FBXO25: variants seen among roughly 807,000 people sequenced by gnomAD.
FBXO25 encodes the protein F-box only protein 25.
A neutral mutation model predicts 51.9 loss-of-function variants in FBXO25; 45 were observed. That is an observed-to-expected ratio of 0.87 (90% CI 0.68 to 1.11). The LOEUF (loss-of-function observed/expected upper bound fraction) is 1.11. Ranked by LOEUF, FBXO25 falls within the 50% of genes most tolerant of loss-of-function variation. FBXO25 has a pLI of 0.00. For synonymous variants in FBXO25, 199 were observed against 151.0 expected, an observed-to-expected ratio of 1.32 and a Z score of -2.33; for missense variants, 507 against 428.5, an observed-to-expected ratio of 1.18 and a Z score of -1.62.
intron 7 of FBXO25, among the ~76,000 whole-genome samples, chr8:455,732 G>C (rs1799380250): frequency 6.6e-6 from 1 of 152,228 alleles, no homozygotes; most frequent in Non-Finnish European, 1.5e-5. Flanking sequence ...CTTCCTTCCA[G>C]TGCAGTGTAG....
In FBXO25 at chr8:469,669, C is replaced by A. The variant is rs774056975; in HGVS notation, c.*865C>A. ...GCTTCGTTTTTAAAATAACGCATGT[C>A]CATTTTAGAAAATTAGAAAATCAGT... is the stretch of plus-strand genomic sequence containing the variant. On this transcript the variant is annotated 3_prime_UTR_variant, in exon 10 of 10. Coordinates refer to ENST00000350302, the MANE Select transcript of FBXO25 (RefSeq NM_183420.2). The A allele has an allele frequency of 1.3e-5, 2 of 152,088 alleles. No homozygotes were observed. The highest frequency in any genetic ancestry group is 2.9e-5 in the Non-Finnish European group (2 of 68,030). 9.4% of individuals were successfully genotyped at this position (152,088 alleles called of 1,614,324 possible).
chr8:427,902 T>G (rs543580585), intron 2 of FBXO25, among the ~76,000 whole-genome samples: 1 of 151,924 alleles, frequency 6.6e-6, no homozygotes, highest in Non-Finnish European at 1.5e-5. Flanking sequence ...TGATGGCCCA[T>G]AACAGCACAT....
Position 414,515 on chromosome 8 carries a change from G to A in FBXO25, c.134+1302G>A, listed in dbSNP as rs181753212. ...AGTGCAGTGTTACTGCTGCATCTGC[G>A]GTGAGGAATTTGTGGGAATTTGTTT... On this transcript the variant is annotated intron_variant, in intron 2 of 9. Coordinates refer to ENST00000350302, the MANE Select transcript of FBXO25 (RefSeq NM_183420.2). Among the ~76,000 whole-genome samples the A allele has an allele frequency of 2.3e-3, 346 of 152,180 alleles. 1 individual carries two copies. The highest frequency in any genetic ancestry group is 4.8e-3 in the Admixed American group (73 of 15,286).
intron 7 of FBXO25, among the ~76,000 whole-genome samples, chr8:453,338 G>T (rs1799210914): frequency 6.6e-6 from 1 of 152,054 alleles, no homozygotes; most frequent in Non-Finnish European, 1.5e-5. Context: ...GAGTCCCTGG[G>T]TGCTCTCTGG....
At chr8:444,528 A>G (rs1372900498) in intron 5 of FBXO25, among the ~76,000 whole-genome samples, 7 of 152,234 alleles carry the variant, frequency 4.6e-5, no homozygotes, top group African/African-American at 1.7e-4. Context: ...CTTCTTTATA[A>G]TTGATTTTTA....
At chr8:414,415 C>T (rs547901139) in intron 2 of FBXO25, among the ~76,000 whole-genome samples, 2 of 152,012 alleles carry the variant, frequency 1.3e-5, no homozygotes, top group East Asian at 3.9e-4. Context: ...CTCCCAGTAG[C>T]CACTATTAAA....
chr8:426,343 T>C (rs1323439606), intron 2 of FBXO25, among the ~76,000 whole-genome samples: 1 of 152,232 alleles, frequency 6.6e-6, no homozygotes, highest in African/African-American at 2.4e-5. Flanking sequence ...TTCCCTTGAA[T>C]ATCTTAAATA....
Position 472,441 on chromosome 8 carries a change from T to A in FBXO25, c.*3637T>A, listed in dbSNP as rs1354761152. ...GTTTATGATACCTTTTATACATAGC[T>A]GTTAGATTTGGTGTGCTGGAACAGC... On this transcript the variant is annotated 3_prime_UTR_variant, in exon 10 of 10. Transcript: ENST00000350302. The A allele has an allele frequency of 6.6e-6, 1 of 152,276 alleles. No individual in the cohort carries two copies. Among genetic ancestry groups the A allele is most frequent in the Non-Finnish European group, 1.5e-5 (1 of 68,078 alleles). 9.4% of individuals were successfully genotyped at this position (152,276 alleles called of 1,614,324 possible).
intron 2 of FBXO25, among the ~76,000 whole-genome samples, chr8:424,183 A>G (rs576804796): frequency 4.7e-4 from 70 of 149,288 alleles, no homozygotes; most frequent in African/African-American, 1.7e-3. Context: ...CAGTGGCGCA[A>G]TTTCCGCTCA....
At chr8:434,541 G>T (rs577876964) in intron 4 of FBXO25, among the ~76,000 whole-genome samples, 4 of 152,156 alleles carry the variant, frequency 2.6e-5, no homozygotes, top group African/African-American at 9.7e-5. Flanking sequence ...TGGGGTTGGC[G>T]CACAGAAGCA....
intron 7 of FBXO25, among the ~76,000 whole-genome samples, chr8:454,978 C>T (rs570091875): frequency 2.0e-5 from 3 of 152,130 alleles, no homozygotes; most frequent in Admixed American, 6.5e-5. Flanking sequence ...ACTGGCTCTC[C>T]AGGGGCAAGA....
At chr8:450,535 T>C (rs1483542829) in intron 6 of FBXO25, among the ~76,000 whole-genome samples, 1 of 152,206 alleles carries the variant, frequency 6.6e-6, no homozygotes, top group Non-Finnish European at 1.5e-5. Flanking sequence ...TATACATGCA[T>C]AGGAATATAT....
At position 469,159 on chromosome 8, in the gene FBXO25, A is replaced by G. The variant is rs1017193453; in HGVS notation, c.*355A>G. The G allele has an allele frequency of 6.8e-5, 13 of 190,222 alleles. No homozygotes were observed. The highest frequency in any genetic ancestry group is 2.8e-4 in the African/African-American group (12 of 42,912). The allele number at this position is 190,222 out of a possible 1,614,324, so 11.8% of individuals were successfully genotyped here. A position where few individuals can be genotyped will look rare whatever the true frequency, so the allele number is the denominator to read the frequency against. On this transcript the variant is annotated 3_prime_UTR_variant, in exon 10 of 10. Transcript: ENST00000350302. ...CCAATAATATGCTTCTTAATTATCA[A>G]ATTATAGTTTCCCAATTGGGAAACT...
intron 2 of FBXO25, among the ~76,000 whole-genome samples, chr8:419,618 TAAATA>T (rs1244205143): frequency 2.0e-5 from 3 of 151,908 alleles, no homozygotes; most frequent in Admixed American, 6.6e-5. Flanking sequence ...TATGCAAAAA[TAAATA>T]AAAACCTGTA....
At chr8:423,410 G>A (rs540997322) in intron 2 of FBXO25, among the ~76,000 whole-genome samples, 1 of 152,268 alleles carries the variant, frequency 6.6e-6, no homozygotes, top group South Asian at 2.1e-4. Context: ...CGTTAGCATA[G>A]TACCCAATAG....
At chr8:451,797 AGTTGT>A (rs2116731247) in intron 7 of FBXO25, among the ~76,000 whole-genome samples, 2 of 152,288 alleles carry the variant, frequency 1.3e-5, no homozygotes, top group South Asian at 4.1e-4. Context: ...CTATTTATTT[AGTTGT>A]TGCTTCTCCC....
In FBXO25 at chr8:469,791, T is replaced by G. The variant is rs1246061766; in HGVS notation, c.*987T>G. The G allele has an allele frequency of 6.6e-6, 1 of 152,190 alleles. No individual in the cohort carries two copies. The highest frequency in any genetic ancestry group is 1.5e-5 in the Non-Finnish European group (1 of 68,036). 9.4% of individuals were successfully genotyped at this position (152,190 alleles called of 1,614,324 possible). Reference sequence around the variant, plus strand: ...ACGTATTGTTGTATATTTCCATTTTTGAATAGGGTCAAGGAGCCCAAGCAA... The same window carrying G: ...ACGTATTGTTGTATATTTCCATTTTGGAATAGGGTCAAGGAGCCCAAGCAA... On this transcript the variant is annotated 3_prime_UTR_variant, in exon 10 of 10. Coordinates refer to ENST00000350302, the MANE Select transcript of FBXO25 (RefSeq NM_183420.2).
At chr8:462,487 T>G (rs1270348762) in intron 8 of FBXO25, among the ~76,000 whole-genome samples, 1 of 152,214 alleles carries the variant, frequency 6.6e-6, no homozygotes, top group Admixed American at 6.5e-5. Flanking sequence ...TGCTTGGTAT[T>G]CCATTATACA....
At chr8:458,646 C>G (rs1585093630) in intron 8 of FBXO25, 95 bp downstream of exon 8, 28 of 1,197,694 alleles carry the variant, frequency 2.3e-5, no homozygotes, top group East Asian at 4.9e-5. Flanking sequence ...GAAAGAATGG[C>G]TGAGTATTTT....
Sources: allele counts gnomAD v4.1 joint callset (sites outside exome capture counted in the v4.1 genomes callset), GRCh38; gene constraint gnomAD v4.1.1; transcripts MANE v1.5; gene names NCBI Gene and HGNC (gene_info 2026-07-23, HGNC 2026-07-21).